KCNIP4: variants seen among roughly 807,000 people sequenced by gnomAD.
KCNIP4 encodes the protein Kv channel-interacting protein 4.
Under a neutral mutation model 34.0 loss-of-function variants are expected in KCNIP4, and 12 were observed. The ratio of observed to expected loss-of-function variants is 0.35; its 90% CI spans 0.23 to 0.57. The LOEUF (loss-of-function observed/expected upper bound fraction) is 0.57. Among genes scored for constraint, KCNIP4 ranks in the 20% least tolerant of loss-of-function variants. KCNIP4 has a pLI of 0.83. For missense variants in KCNIP4, 238 were observed against 311.7 expected (o/e 0.76, Z 1.78); for synonymous variants, 124 against 102.2 (o/e 1.21, Z -1.29).
intron 1 of KCNIP4, among the ~76,000 whole-genome samples, chr4:21,774,077 T>A (rs774559783): frequency 2.9e-4 from 44 of 152,106 alleles, no homozygotes; most frequent in Middle Eastern, 3.4e-3. Flanking sequence ...CTGGTACTGG[T>A]TTTTCCTTTT....
intron 1 of KCNIP4, among the ~76,000 whole-genome samples, chr4:21,498,419 G>A (rs531441610): frequency 2.0e-4 from 31 of 152,146 alleles, no homozygotes; most frequent in Non-Finnish European, 3.8e-4. Flanking sequence ...GTCCATTTGG[G>A]GGGTTATGTT....
intron 1 of KCNIP4, among the ~76,000 whole-genome samples, chr4:21,435,977 A>G (rs1726911405): frequency 6.6e-6 from 1 of 152,214 alleles, no homozygotes; most frequent in African/African-American, 2.4e-5. Context: ...GCTCAAGCAG[A>G]GGAGGAAACA....
At chr4:21,262,818 T>C (rs1761556906) in intron 1 of KCNIP4, among the ~76,000 whole-genome samples, 1 of 152,208 alleles carries the variant, frequency 6.6e-6, no homozygotes, top group Non-Finnish European at 1.5e-5. Context: ...CAAAAACTGT[T>C]GTTATATATT....
At chr4:20,842,725 T>C (rs2149473645) in intron 3 of KCNIP4, among the ~76,000 whole-genome samples, 1 of 149,708 alleles carries the variant, frequency 6.7e-6, no homozygotes, top group South Asian at 2.1e-4. Flanking sequence ...AGGCAAGGAG[T>C]CTGGGTCATT....
At chr4:21,729,618 T>C (rs554992859) in intron 1 of KCNIP4, among the ~76,000 whole-genome samples, 150 of 152,250 alleles carry the variant, frequency 9.9e-4, no homozygotes, top group Non-Finnish European at 1.9e-3. Flanking sequence ...ATGAAAAGAA[T>C]TAATACAAGA....
chr4:21,102,839 G>A (rs190249853), intron 1 of KCNIP4, among the ~76,000 whole-genome samples: 1 of 152,282 alleles, frequency 6.6e-6, no homozygotes, highest in East Asian at 1.9e-4. Context: ...CTCTGTGACA[G>A]AGACTTGTTC....
At chr4:21,854,775 A>T (rs1283716670) in intron 1 of KCNIP4, among the ~76,000 whole-genome samples, 1 of 152,186 alleles carries the variant, frequency 6.6e-6, no homozygotes, top group Admixed American at 6.5e-5. Context: ...ACAACTGGAC[A>T]TGGCCACTTG....
chr4:21,112,448 TG>T (rs546678456), intron 1 of KCNIP4, among the ~76,000 whole-genome samples: 30 of 152,366 alleles, frequency 2.0e-4, no homozygotes, highest in African/African-American at 7.2e-4. Context: ...AGACCTCTGA[TG>T]TCTTCCGAGT....
intron 1 of KCNIP4, among the ~76,000 whole-genome samples, chr4:21,463,554 T>C (rs1296510008): frequency 6.6e-6 from 1 of 152,078 alleles, no homozygotes; most frequent in East Asian, 1.9e-4. Flanking sequence ...TTTTTCAAGG[T>C]TCAACAATGT....
At chr4:21,003,009 T>G (rs79289461) in intron 1 of KCNIP4, among the ~76,000 whole-genome samples, 2,125 of 152,306 alleles carry the variant, frequency 0.014, 56 homozygotes, top group African/African-American at 0.049. Context: ...TGACTGCTCT[T>G]ATTTTTTCTA....
chr4:21,414,260 T>C (rs1382460675), intron 1 of KCNIP4, among the ~76,000 whole-genome samples: 1 of 152,142 alleles, frequency 6.6e-6, no homozygotes, highest in Non-Finnish European at 1.5e-5. Context: ...TGGAGATGTA[T>C]ACATATCTTA....
At chr4:21,555,531 C>T (rs1738937551) in intron 1 of KCNIP4, among the ~76,000 whole-genome samples, 1 of 151,974 alleles carries the variant, frequency 6.6e-6, no homozygotes, top group East Asian at 1.9e-4. Context: ...CCTAATAAAA[C>T]ATCAAAGTTG....
chr4:21,916,932 A>G (rs946660780), intron 1 of KCNIP4, among the ~76,000 whole-genome samples: 3 of 152,040 alleles, frequency 2.0e-5, no homozygotes, highest in African/African-American at 7.2e-5. Context: ...TTGTTCTTCC[A>G]TCCTCTCCTC....
rs548603638 is a variant in KCNIP4, at chr4:21,353,665, C to T, written c.62-470956G>A. On this transcript the variant is annotated intron_variant, in intron 1 of 8. Transcript: ENST00000382152. ...GGATTATGTGAAAAGACCAAATCTA[C>T]ATTTGATTGGTGTACCTGAAAGTGA... 5.3e-5 allele frequency among the ~76,000 whole-genome samples: 8 copies of T among 152,254 alleles called. No individual in the cohort carries two copies. In the South Asian group the frequency reaches 1.4e-3, roughly 28 times the overall value.
chr4:20,917,830 T>G (rs1187418506), intron 1 of KCNIP4, among the ~76,000 whole-genome samples: 1 of 152,136 alleles, frequency 6.6e-6, no homozygotes, highest in Non-Finnish European at 1.5e-5. Context: ...TCTAGTCAGC[T>G]AGCGAACACA....
chr4:21,341,211 C>T (rs889170810), intron 1 of KCNIP4, among the ~76,000 whole-genome samples: 1 of 152,074 alleles, frequency 6.6e-6, no homozygotes, highest in East Asian at 1.9e-4. Flanking sequence ...GGGAATATAG[C>T]CCTGCAGACA....
chr4:21,944,370 G>T (rs944364280), intron 1 of KCNIP4, among the ~76,000 whole-genome samples: 2 of 151,390 alleles, frequency 1.3e-5, no homozygotes, highest in Admixed American at 1.3e-4. Context: ...GTGGTGAAAC[G>T]CCATCTCTAC....
chr4:20,832,508 C>G (rs1423396848), intron 3 of KCNIP4, among the ~76,000 whole-genome samples: 1 of 151,982 alleles, frequency 6.6e-6, no homozygotes, highest in Non-Finnish European at 1.5e-5. Context: ...TATCCTTTCT[C>G]AATGTTGTGG....
intron 1 of KCNIP4, among the ~76,000 whole-genome samples, chr4:21,443,493 C>A (rs187248191): frequency 6.6e-5 from 10 of 152,150 alleles, no homozygotes; most frequent in Admixed American, 3.9e-4. Context: ...AATAAGTAGA[C>A]TTTGAATAAA....
Sources: allele counts gnomAD v4.1 joint callset (sites outside exome capture counted in the v4.1 genomes callset), GRCh38; gene constraint gnomAD v4.1.1; transcripts MANE v1.5; gene names NCBI Gene and HGNC (gene_info 2026-07-23, HGNC 2026-07-21).